Variants in THSD7B observed in about 807,000 individuals in gnomAD.
THSD7B encodes thrombospondin type-1 domain-containing protein 7B.
THSD7B carries 138 observed loss-of-function variants against 213.6 expected under a neutral mutation model. The observed-to-expected ratio is 0.65, with a 90% CI of 0.56 to 0.74. THSD7B has a LOEUF of 0.74. THSD7B is among the 30% of genes least tolerant of loss of function. The pLI is 0.00. For missense variants in THSD7B, 1,931 were observed against 1,991.5 expected, an observed-to-expected ratio of 0.97 and a Z score of 0.58; for synonymous variants, 742 against 687.0, an observed-to-expected ratio of 1.08 and a Z score of -1.25.
chr2:137,470,910 C>CTTTTTTTTTTTTTTTTTTTTTTTT (rs70978226), intron 15 of THSD7B, among the ~76,000 whole-genome samples: 1 of 119,822 alleles, frequency 8.3e-6, no homozygotes, highest in Non-Finnish European at 1.7e-5. Flanking sequence ...TTTTTCTTTA[C>CTTTTTTTTTTTTTTTTTTTTTTTT]TTTTTTTTTT....
At chr2:136,861,691 T>A (rs994407753) in intron 1 of THSD7B, among the ~76,000 whole-genome samples, 5 of 152,366 alleles carry the variant, frequency 3.3e-5, no homozygotes, top group African/African-American at 1.2e-4. Context: ...GGAGGAGGTC[T>A]AGAGAAATTG....
intron 12 of THSD7B, among the ~76,000 whole-genome samples, chr2:137,374,337 CT>C (rs1383210024): frequency 6.6e-6 from 1 of 152,096 alleles, no homozygotes; most frequent in African/African-American, 2.4e-5. Context: ...TTTCTTTGGT[CT>C]TTTTAATCCT....
chr2:137,403,828 A>G (rs868416000), intron 12 of THSD7B, among the ~76,000 whole-genome samples: 3 of 152,162 alleles, frequency 2.0e-5, no homozygotes, highest in South Asian at 2.1e-4. Context: ...TTTGATTGTT[A>G]CCACTTAAGA....
intron 12 of THSD7B, among the ~76,000 whole-genome samples, chr2:137,354,987 T>C (rs1047581480): frequency 3.3e-5 from 5 of 152,190 alleles, no homozygotes; most frequent in East Asian, 1.9e-4. Flanking sequence ...TGCTGCAGTC[T>C]AGCATAGAAA....
At chr2:137,494,863 T>C (rs1020095828) in intron 15 of THSD7B, among the ~76,000 whole-genome samples, 4 of 152,282 alleles carry the variant, frequency 2.6e-5, no homozygotes, top group South Asian at 4.1e-4. Flanking sequence ...TCATTCTCAT[T>C]CTGCCAACTC....
chr2:137,300,258 A>G (rs1683569064), intron 12 of THSD7B, among the ~76,000 whole-genome samples: 1 of 152,200 alleles, frequency 6.6e-6, no homozygotes, highest in Non-Finnish European at 1.5e-5. Context: ...TATTCCAACT[A>G]AAATATCCAT....
chr2:137,130,475 A>C (rs933602305), intron 5 of THSD7B, among the ~76,000 whole-genome samples: 2 of 151,312 alleles, frequency 1.3e-5, no homozygotes, highest in African/African-American at 4.9e-5. Context: ...TGTGCTGCAC[A>C]CATTAACTCA....
At chr2:137,236,986 C>G (rs921642855) in intron 9 of THSD7B, among the ~76,000 whole-genome samples, 1 of 152,024 alleles carries the variant, frequency 6.6e-6, no homozygotes, top group Non-Finnish European at 1.5e-5. Context: ...TGGCAGGCAC[C>G]TGTAATCCCA....
chr2:136,808,477 T>C (rs1390560822), intron 1 of THSD7B, among the ~76,000 whole-genome samples: 1 of 152,250 alleles, frequency 6.6e-6, no homozygotes, highest in Non-Finnish European at 1.5e-5. Context: ...AAGGTTTATG[T>C]CCATCACCTA....
chr2:137,551,097 C>T (rs988593536), intron 15 of THSD7B, among the ~76,000 whole-genome samples: 3 of 151,586 alleles, frequency 2.0e-5, no homozygotes, highest in Non-Finnish European at 2.9e-5. Flanking sequence ...GAAAAAAAAT[C>T]CAGAGTTCAG....
chr2:137,005,934 T>C (rs1046277973), intron 2 of THSD7B, among the ~76,000 whole-genome samples: 1 of 152,212 alleles, frequency 6.6e-6, no homozygotes, highest in African/African-American at 2.4e-5. Context: ...GTGTATCCCA[T>C]AGTTATATAA....
At chr2:136,996,208 G>A (rs1026153777) in intron 2 of THSD7B, among the ~76,000 whole-genome samples, 10 of 152,288 alleles carry the variant, frequency 6.6e-5, no homozygotes, top group South Asian at 2.1e-4. Context: ...CTAGCAGACT[G>A]GATGAAGGTA....
intron 20 of THSD7B, among the ~76,000 whole-genome samples, chr2:137,628,074 A>G (rs1682665644): frequency 6.6e-6 from 1 of 152,218 alleles, no homozygotes; most frequent in East Asian, 1.9e-4. Flanking sequence ...ATTAAATGAA[A>G]TTAAGTATTT....
intron 15 of THSD7B, among the ~76,000 whole-genome samples, chr2:137,552,897 G>A (rs1680878451): frequency 6.6e-6 from 1 of 152,152 alleles, no homozygotes; most frequent in Non-Finnish European, 1.5e-5. Flanking sequence ...AGCCATGAAT[G>A]AGAAAAGAGA....
chr2:137,069,315 T>C (rs972892055), intron 3 of THSD7B, among the ~76,000 whole-genome samples: 2 of 152,148 alleles, frequency 1.3e-5, no homozygotes, highest in Non-Finnish European at 2.9e-5. Flanking sequence ...TTTTTGTTTT[T>C]GTTTCACCTT....
chr2:137,656,297 T>A (rs555346417), intron 22 of THSD7B, among the ~76,000 whole-genome samples: 1 of 152,202 alleles, frequency 6.6e-6, no homozygotes, highest in East Asian at 1.9e-4. Flanking sequence ...ATAATTTATA[T>A]AAAGATACAT....
chr2:137,676,348 C>G (rs900205931), intron 27 of THSD7B, among the ~76,000 whole-genome samples, 176 bp from the exon 28 acceptor site: 2 of 152,012 alleles, frequency 1.3e-5, no homozygotes, highest in African/African-American at 4.8e-5. Flanking sequence ...ATGGCTTCTC[C>G]TTAACAAACA....
At chr2:136,794,580 T>C (rs575065007) in intron 1 of THSD7B, among the ~76,000 whole-genome samples, 1 of 152,048 alleles carries the variant, frequency 6.6e-6, no homozygotes, top group Admixed American at 6.6e-5. Flanking sequence ...TTCAATCCCT[T>C]GAGATTCATT....
At chr2:137,170,664 T>C in intron 6 of THSD7B, 77 bp from the exon 7 acceptor site, 1 of 1,450,438 alleles carries the variant, frequency 6.9e-7, no homozygotes, top group South Asian at 1.3e-5. Context: ...AAACTTTTCA[T>C]CTCTCACCCA....
Sources: allele counts gnomAD v4.1 joint callset (sites outside exome capture counted in the v4.1 genomes callset), GRCh38; gene constraint gnomAD v4.1.1; transcripts MANE v1.5; gene names NCBI Gene and HGNC (gene_info 2026-07-23, HGNC 2026-07-21).